Variants in PPM1L observed in about 807,000 individuals in gnomAD.
PPM1L encodes the protein protein phosphatase, Mg2+/Mn2+ dependent 1L.
In PPM1L, 13 loss-of-function variants were observed where a neutral mutation model predicts 31.4. That is an observed-to-expected ratio of 0.41 (90% CI 0.27 to 0.66). The LOEUF (loss-of-function observed/expected upper bound fraction) is 0.66. Among genes scored for constraint, PPM1L ranks in the 30% least tolerant of loss-of-function variants. The pLI, the probability that PPM1L is intolerant of heterozygous loss-of-function variation, is 0.29. For synonymous variants in PPM1L, 184 were observed against 175.4 expected, an observed-to-expected ratio of 1.05 and a Z score of -0.39; for missense variants, 326 against 453.7, an observed-to-expected ratio of 0.72 and a Z score of 2.56.
intron 1 of PPM1L, among the ~76,000 whole-genome samples, chr3:160,834,403 T>C (rs1713627321): frequency 1.3e-5 from 2 of 152,088 alleles, no homozygotes; most frequent in South Asian, 4.2e-4. Flanking sequence ...GCCGTCTTAT[T>C]TCTGAGTTCT....
intron 1 of PPM1L, among the ~76,000 whole-genome samples, chr3:160,884,515 G>A (rs1227213396): frequency 1.3e-5 from 2 of 152,192 alleles, no homozygotes; most frequent in East Asian, 3.9e-4. Flanking sequence ...GGACCCAGTG[G>A]CACTGATAGT....
chr3:160,926,912 T>A (rs1259265853), intron 1 of PPM1L, among the ~76,000 whole-genome samples: 1 of 152,248 alleles, frequency 6.6e-6, no homozygotes, highest in East Asian at 1.9e-4. Context: ...TGTGCGTGTT[T>A]TATTTCAAGT....
At chr3:160,843,879 C>T (rs923672661) in intron 1 of PPM1L, among the ~76,000 whole-genome samples, 1 of 152,122 alleles carries the variant, frequency 6.6e-6, no homozygotes, top group African/African-American at 2.4e-5. Context: ...TTGGAACTAA[C>T]CCAAATGTCC....
chr3:160,974,015 TC>T (rs1716461177), intron 2 of PPM1L, among the ~76,000 whole-genome samples: 2 of 56,120 alleles, frequency 3.6e-5, no homozygotes, highest in South Asian at 1.7e-3. Context: ...GTGCTATCCC[TC>T]CCCCCTCCCC....
rs80057465 is a variant in PPM1L, at chr3:160,805,444, G to A, written c.399+48737G>A. Among the ~76,000 whole-genome samples, 111 of 152,264 alleles carry A rather than the reference G, an allele frequency of 7.3e-4. 1 individual carries two copies. In the East Asian group the frequency reaches 0.021, roughly 29 times the overall value. ...TACATTTAAAAATGTACTTGAGGCC[G>A]GGTGCAGTGGCTCATGCCTGTAATC... On this transcript the variant is annotated intron_variant, in intron 1 of 3. Coordinates refer to ENST00000498165, the MANE Select transcript of PPM1L (RefSeq NM_139245.4).
At chr3:160,904,799 A>T (rs916190278) in intron 1 of PPM1L, among the ~76,000 whole-genome samples, 6 of 152,106 alleles carry the variant, frequency 3.9e-5, no homozygotes, top group African/African-American at 1.4e-4. Context: ...AGAGAAAATG[A>T]AATTATCTTT....
chr3:160,809,551 C>G (rs1287047645), intron 1 of PPM1L, among the ~76,000 whole-genome samples: 2 of 152,164 alleles, frequency 1.3e-5, no homozygotes, highest in African/African-American at 4.8e-5. Context: ...AGCCTCAGCT[C>G]TCCCCACTCT....
At chr3:161,006,090 A>G (rs1384804776) in intron 2 of PPM1L, among the ~76,000 whole-genome samples, 1 of 152,228 alleles carries the variant, frequency 6.6e-6, no homozygotes, top group East Asian at 1.9e-4. Context: ...CACAAGAGCC[A>G]TGAGGTCAAA....
chr3:160,962,276 CTAA>C, intron 2 of PPM1L, among the ~76,000 whole-genome samples: 1 of 151,712 alleles, frequency 6.6e-6, no homozygotes, highest in African/African-American at 2.4e-5. Flanking sequence ...ATTTTCTTTT[CTAA>C]AGAGGTATTT....
At chr3:161,044,734 T>C (rs1244303056) in intron 2 of PPM1L, among the ~76,000 whole-genome samples, 1 of 152,160 alleles carries the variant, frequency 6.6e-6, no homozygotes, top group South Asian at 2.1e-4. Context: ...AATAACCAGC[T>C]AACATCACAA....
chr3:160,912,815 A>G (rs1714021005), intron 1 of PPM1L, among the ~76,000 whole-genome samples: 1 of 152,226 alleles, frequency 6.6e-6, no homozygotes, highest in African/African-American at 2.4e-5. Flanking sequence ...ATGCTGAAAA[A>G]TAAATGATCC....
Position 160,931,580 on chromosome 3 carries a change from G to A in PPM1L, c.400-30156G>A, listed in dbSNP as rs372379673. On this transcript the variant is annotated intron_variant, in intron 1 of 3. Transcript: ENST00000498165. ...GGCAAGAAGAAAAAGAAAAAGATGG[G>A]AGAAGAGCAGGGATCTCCTAACTTA... 1.1e-4 allele frequency among the ~76,000 whole-genome samples: 17 copies of A among 152,206 alleles called. 1 individual carries two copies. The highest frequency in any genetic ancestry group is 5.8e-4 in the East Asian group (3 of 5,200).
chr3:160,776,390 C>T (rs940833363), intron 1 of PPM1L, among the ~76,000 whole-genome samples: 1 of 152,074 alleles, frequency 6.6e-6, no homozygotes, highest in African/African-American at 2.4e-5. Context: ...GAAAGATGGT[C>T]TCATAGGATG....
In PPM1L at chr3:161,065,572, T is replaced by G; in HGVS notation, c.736+8T>G. ...AGAGGATAAAGAGAGCAGGTGAGCT[T>G]GTGAACACCTCCAAGAAATGTCTGC... On this transcript the variant is annotated splice_region_variant and intron_variant, in intron 3 of 3. Transcript: ENST00000498165. 6.2e-7 allele frequency: 1 copy of G among 1,611,676 alleles called. No homozygotes were observed. Among genetic ancestry groups the G allele is most frequent in the South Asian group, 1.1e-5 (1 of 90,908 alleles).
rs556956199 is a variant in PPM1L at position 160,769,615 on chromosome 3, G to T, written c.399+12908G>T. ...TGAGTGTTTGGAGAACAACAAGGTG[G>T]GTTTTTTTTTTCTCTAATATATATC... On this transcript the variant is annotated intron_variant, in intron 1 of 3. Coordinates refer to ENST00000498165, the MANE Select transcript of PPM1L (RefSeq NM_139245.4). Among the ~76,000 whole-genome samples, 15 of 151,448 alleles carry T rather than the reference G, an allele frequency of 9.9e-5. No homozygotes were observed. The South Asian group carries it at 2.9e-3, about 29-fold the overall frequency.
chr3:161,031,451 G>A (rs1390913719), intron 2 of PPM1L, among the ~76,000 whole-genome samples: 2 of 149,650 alleles, frequency 1.3e-5, no homozygotes, highest in Non-Finnish European at 2.9e-5. Context: ...ATCACACTCT[G>A]TGACAGAATA....
intron 1 of PPM1L, among the ~76,000 whole-genome samples, chr3:160,907,582 T>C (rs1713807310): frequency 6.6e-6 from 1 of 152,232 alleles, no homozygotes; most frequent in Admixed American, 6.5e-5. Context: ...TGCTTTTAAT[T>C]GCTGAGATTT....
chr3:160,845,738 T>G (rs1447681979), intron 1 of PPM1L, among the ~76,000 whole-genome samples: 1 of 152,042 alleles, frequency 6.6e-6, no homozygotes, highest in East Asian at 1.9e-4. Flanking sequence ...TGTTTTACAT[T>G]TAAATCTGCG....
At chr3:161,002,004 C>G (rs893455133) in intron 2 of PPM1L, among the ~76,000 whole-genome samples, 4 of 141,330 alleles carry the variant, frequency 2.8e-5, no homozygotes, top group Non-Finnish European at 6.1e-5. Flanking sequence ...AACCCCACAA[C>G]AGTCCCCAGA....
Sources: allele counts gnomAD v4.1 joint callset (sites outside exome capture counted in the v4.1 genomes callset), GRCh38; gene constraint gnomAD v4.1.1; transcripts MANE v1.5; gene names NCBI Gene and HGNC (gene_info 2026-07-23, HGNC 2026-07-21).